Variants in HPSE2 observed in about 807,000 individuals in gnomAD.
HPSE2 encodes inactive heparanase-2.
HPSE2 carries 38 observed loss-of-function variants against 60.5 expected under a neutral mutation model. That is an observed-to-expected ratio of 0.63 (90% CI 0.48 to 0.82). The LOEUF is 0.82. HPSE2 is among the 40% of genes least tolerant of loss of function. The probability of loss-of-function intolerance (pLI) is 0.00; values close to 1 mark genes in which losing one functional copy is unlikely to be tolerated. For synonymous variants in HPSE2, 295 were observed against 293.2 expected, an observed-to-expected ratio of 1.01 and a Z score of -0.06; for missense variants, 713 against 740.4, an observed-to-expected ratio of 0.96 and a Z score of 0.43.
chr10:98,550,908 C>A (rs904145286), intron 9 of HPSE2, among the ~76,000 whole-genome samples: 1 of 152,060 alleles, frequency 6.6e-6, no homozygotes, highest in Non-Finnish European at 1.5e-5. Context: ...TGAACTTGGC[C>A]GGGACTAGTT....
chr10:98,863,045 T>A (rs1378811604), intron 3 of HPSE2, among the ~76,000 whole-genome samples: 1 of 152,126 alleles, frequency 6.6e-6, no homozygotes, highest in African/African-American at 2.4e-5. Flanking sequence ...ATTATAGACG[T>A]GAGCCACTGT....
chr10:98,822,829 T>A (rs1951455096), intron 3 of HPSE2, among the ~76,000 whole-genome samples: 1 of 152,236 alleles, frequency 6.6e-6, no homozygotes, highest in Admixed American at 6.5e-5. Context: ...GAATGATGGC[T>A]GCCCTCTCCC....
intron 3 of HPSE2, among the ~76,000 whole-genome samples, chr10:99,080,889 A>G (rs564556088): frequency 1.8e-4 from 28 of 152,374 alleles, no homozygotes; most frequent in African/African-American, 6.5e-4. Flanking sequence ...TTTATTTGGA[A>G]TAAGTACCTA....
At chr10:98,823,817 A>G (rs1951479327) in intron 3 of HPSE2, among the ~76,000 whole-genome samples, 1 of 152,224 alleles carries the variant, frequency 6.6e-6, no homozygotes, top group Admixed American at 6.5e-5. Context: ...AATAACCTTT[A>G]GAAGCAGATA....
chr10:98,503,120 GA>G (rs1486037877), intron 9 of HPSE2, among the ~76,000 whole-genome samples: 1 of 151,684 alleles, frequency 6.6e-6, no homozygotes, highest in Non-Finnish European at 1.5e-5. Context: ...GCTGAGGCAG[GA>G]GAGTTGCTGG....
In HPSE2 at chr10:99,235,645, G is replaced by C; in HGVS notation, c.158C>G (p.Ala53Gly). 6.2e-7 allele frequency: 1 copy of C among 1,614,010 alleles called. No individual in the cohort carries two copies. ...AATCAGGGTCTTTTCCTTCAAACCT[G>C]CAGCTCTGTCTACAGGCAAGGGTCT... ...DRRPLPVDRAAGLKEKTLILL... is the reference protein window; with the variant it reads ...DRRPLPVDRAGGLKEKTLILL... The change falls in exon 1 of 12, where the codon GCA (alanine) becomes GGA (glycine). Residue 53 changes from alanine to glycine, a missense_variant. Physicochemically the swap from Ala to Gly is moderately conservative, Grantham distance 60 (BLOSUM62 0). Transcript: ENST00000370552.
intron 3 of HPSE2, among the ~76,000 whole-genome samples, chr10:99,051,161 T>C (rs1336965324): frequency 6.6e-6 from 1 of 152,094 alleles, no homozygotes; most frequent in Non-Finnish European, 1.5e-5. Context: ...CATGCACCTG[T>C]AGTGCCAGCT....
chr10:98,838,089 C>G (rs1459334496), intron 3 of HPSE2, among the ~76,000 whole-genome samples: 1 of 152,070 alleles, frequency 6.6e-6, no homozygotes, highest in Non-Finnish European at 1.5e-5. Flanking sequence ...TGAAACTGCC[C>G]CTAACATAGC....
intron 6 of HPSE2, among the ~76,000 whole-genome samples, chr10:98,654,267 A>G (rs1299172252): frequency 6.6e-6 from 1 of 152,094 alleles, no homozygotes; most frequent in Non-Finnish European, 1.5e-5. Flanking sequence ...GTTCTCTGCT[A>G]TTATTACTTC....
chr10:98,975,246 T>C (rs1036228772), intron 3 of HPSE2, among the ~76,000 whole-genome samples: 1 of 152,172 alleles, frequency 6.6e-6, no homozygotes, highest in African/African-American at 2.4e-5. Context: ...TGCACTCTGT[T>C]GGATGTCTAC....
At chr10:98,944,528 A>C (rs1281114643) in intron 3 of HPSE2, among the ~76,000 whole-genome samples, 1 of 152,140 alleles carries the variant, frequency 6.6e-6, no homozygotes. Flanking sequence ...TTGGTAGCGC[A>C]CCTTCTCAGT....
intron 3 of HPSE2, among the ~76,000 whole-genome samples, chr10:98,995,156 T>G (rs1484084182): frequency 6.6e-6 from 1 of 152,162 alleles, no homozygotes; most frequent in East Asian, 1.9e-4. Flanking sequence ...CCTAGCATTC[T>G]CTCCTAAATG....
At chr10:98,473,528 G>GAT (rs1940872365) in intron 11 of HPSE2, among the ~76,000 whole-genome samples, 1 of 123,970 alleles carries the variant, frequency 8.1e-6, no homozygotes, top group South Asian at 2.6e-4. Context: ...GAGAAAGAGA[G>GAT]AGAGAGAAAG....
At chr10:98,984,014 C>T (rs1013284155) in intron 3 of HPSE2, among the ~76,000 whole-genome samples, 12 of 152,214 alleles carry the variant, frequency 7.9e-5, no homozygotes, top group African/African-American at 2.4e-4. Context: ...CTGGGTGGAG[C>T]CCACGGCAGC....
chr10:99,117,749 A>G (rs1844769004), intron 3 of HPSE2, among the ~76,000 whole-genome samples: 1 of 152,158 alleles, frequency 6.6e-6, no homozygotes, highest in Non-Finnish European at 1.5e-5. Context: ...AAAAAAGCCC[A>G]GGAACAAACA....
chr10:98,568,358 T>C (rs1944404355), intron 9 of HPSE2, among the ~76,000 whole-genome samples: 1 of 152,158 alleles, frequency 6.6e-6, no homozygotes, highest in African/African-American at 2.4e-5. Flanking sequence ...ATCTACTTCA[T>C]AGGTCTGTTG....
chr10:99,227,556 T>G (rs1053897811), intron 2 of HPSE2, among the ~76,000 whole-genome samples: 3 of 151,958 alleles, frequency 2.0e-5, no homozygotes, highest in Admixed American at 1.3e-4. Context: ...GCATCAAGAA[T>G]GGACTGCATG....
chr10:99,058,752 T>A (rs1428036775), intron 3 of HPSE2, among the ~76,000 whole-genome samples: 1 of 152,028 alleles, frequency 6.6e-6, no homozygotes, highest in Non-Finnish European at 1.5e-5. Context: ...CAAACATATA[T>A]GTGTTTGTGA....
rs149573760 is a variant in HPSE2, at chr10:98,821,232, T to C, written c.611-77176A>G. ...GGAATACATTCTGAGAAGTGCATTG[T>C]TGGGTAATTTCATCATTGTATGAAC... On this transcript the variant is annotated intron_variant, in intron 3 of 11. Coordinates refer to ENST00000370552, the MANE Select transcript of HPSE2 (RefSeq NM_021828.5). Among the ~76,000 whole-genome samples the C allele has an allele frequency of 3.9e-5, 6 of 152,272 alleles. No individual in the cohort carries two copies. The East Asian group carries it at 1.2e-3, about 29-fold the overall frequency.
Sources: allele counts gnomAD v4.1 joint callset (sites outside exome capture counted in the v4.1 genomes callset), GRCh38; gene constraint gnomAD v4.1.1; transcripts MANE v1.5; gene names NCBI Gene and HGNC (gene_info 2026-07-23, HGNC 2026-07-21).